Variants in EYS observed in about 807,000 individuals in gnomAD.
The protein encoded by EYS is protein eyes shut homolog.
In EYS, 250 loss-of-function variants were observed where a neutral mutation model predicts 282.1. That is an observed-to-expected ratio of 0.89 (90% CI 0.80 to 0.98). The LOEUF is 0.98. Ranked by LOEUF, EYS falls within the 50% of genes least tolerant of loss-of-function variation. EYS has a pLI of 0.00. For synonymous variants in EYS, 1,355 were observed against 1,282.9 expected, an observed-to-expected ratio of 1.06 and a Z score of -1.20; for missense variants, 4,016 against 3,709.0, an observed-to-expected ratio of 1.08 and a Z score of -2.15.
chr6:64,392,798 A>G (rs1302214001), intron 28 of EYS, among the ~76,000 whole-genome samples: 3 of 151,560 alleles, frequency 2.0e-5, no homozygotes, highest in East Asian at 1.9e-4. Context: ...TGAAGGAAAT[A>G]GAGACACAAA....
At chr6:65,153,387 G>A (rs1453851233) in intron 12 of EYS, among the ~76,000 whole-genome samples, 1 of 150,960 alleles carries the variant, frequency 6.6e-6, no homozygotes, top group Non-Finnish European at 1.5e-5. Flanking sequence ...GTGTGTGTGT[G>A]TGTGTGTGTG....
chr6:64,243,226 T>C (rs1766894694), intron 30 of EYS, among the ~76,000 whole-genome samples: 1 of 152,074 alleles, frequency 6.6e-6, no homozygotes, highest in South Asian at 2.1e-4. Context: ...TTACATTTCA[T>C]ACAAATACAT....
chr6:64,848,582 A>G (rs933333011), intron 19 of EYS, among the ~76,000 whole-genome samples: 13 of 152,090 alleles, frequency 8.5e-5, no homozygotes, highest in African/African-American at 3.1e-4. Flanking sequence ...ATTATGACAT[A>G]TAGTTTGTTT....
intron 22 of EYS, among the ~76,000 whole-genome samples, chr6:64,811,735 A>G (rs1764600840): frequency 6.6e-6 from 1 of 152,042 alleles, no homozygotes; most frequent in African/African-American, 2.4e-5. Flanking sequence ...CTGCCATCCT[A>G]TGGTGCAGCA....
In EYS at chr6:64,290,426, G is replaced by T. The variant is rs115667960; in HGVS notation, c.6191+16544C>A. ...AACCAGATCAGTAAGTGTGTTCAAGGCTAAACAGAAATATCCTGACACCTT... is the reference window on the plus strand; with the variant it reads ...AACCAGATCAGTAAGTGTGTTCAAGTCTAAACAGAAATATCCTGACACCTT... On this transcript the variant is annotated intron_variant, in intron 30 of 42. Transcript: ENST00000503581. Among the ~76,000 whole-genome samples the T allele has an allele frequency of 4.7e-3, 716 of 152,190 alleles. 5 individuals carry two copies. The highest frequency in any genetic ancestry group is 0.016 in the African/African-American group (664 of 41,532).
intron 29 of EYS, among the ~76,000 whole-genome samples, chr6:64,312,252 C>G (rs141687014): frequency 1.7e-4 from 26 of 152,214 alleles, no homozygotes; most frequent in African/African-American, 6.0e-4. Context: ...ACAGTGTAAA[C>G]AAAGCCACTG....
chr6:65,590,049 A>G (rs1424744711), intron 2 of EYS, among the ~76,000 whole-genome samples: 1 of 152,082 alleles, frequency 6.6e-6, no homozygotes, highest in Admixed American at 6.6e-5. Context: ...GAAAGAAAGG[A>G]TTACAGCACA....
At chr6:63,944,848 C>T (rs1765348430) in intron 35 of EYS, among the ~76,000 whole-genome samples, 1 of 152,064 alleles carries the variant, frequency 6.6e-6, no homozygotes, top group African/African-American at 2.4e-5. Flanking sequence ...GAAGGAGAAT[C>T]ACTTGAACCC....
chr6:64,704,335 C>A (rs137999943), intron 22 of EYS, among the ~76,000 whole-genome samples: 1 of 142,202 alleles, frequency 7.0e-6, no homozygotes, highest in African/African-American at 2.6e-5. Context: ...AATATATATA[C>A]ATATATAAAA....
intron 26 of EYS, among the ~76,000 whole-genome samples, chr6:64,510,630 G>T (rs1415833855): frequency 6.6e-6 from 1 of 152,122 alleles, no homozygotes; most frequent in African/African-American, 2.4e-5. Flanking sequence ...ATGAATTGCT[G>T]TAAATTGTTT....
At chr6:65,261,554 G>A (rs531939594) in intron 12 of EYS, among the ~76,000 whole-genome samples, 2 of 152,064 alleles carry the variant, frequency 1.3e-5, no homozygotes, top group South Asian at 4.1e-4. Flanking sequence ...CTCACACACT[G>A]ATTTATTTGG....
chr6:65,353,795 C>T (rs892365208), intron 8 of EYS, among the ~76,000 whole-genome samples, 178 bp from the exon 9 acceptor site: 1 of 152,002 alleles, frequency 6.6e-6, no homozygotes, highest in African/African-American at 2.4e-5. Context: ...TCTGTACTAT[C>T]TTTTGTCATA....
intron 22 of EYS, among the ~76,000 whole-genome samples, chr6:64,646,523 G>A (rs535438068): frequency 2.6e-5 from 4 of 152,152 alleles, no homozygotes; most frequent in South Asian, 2.1e-4. Context: ...TTCTTTATAG[G>A]CAGGGCGCGG....
chr6:64,898,351 C>T (rs1353096932), intron 18 of EYS, among the ~76,000 whole-genome samples: 2 of 152,010 alleles, frequency 1.3e-5, no homozygotes, highest in Non-Finnish European at 2.9e-5. Flanking sequence ...TCCAGCCAAA[C>T]TGAGATTCAC....
chr6:64,971,787 G>A (rs1309017613), intron 14 of EYS, among the ~76,000 whole-genome samples: 1 of 152,136 alleles, frequency 6.6e-6, no homozygotes, highest in Non-Finnish European at 1.5e-5. Flanking sequence ...GATTGTCAGT[G>A]CTGGAAGAGA....
intron 35 of EYS, among the ~76,000 whole-genome samples, chr6:63,933,458 C>A (rs1457688804): frequency 1.3e-5 from 2 of 152,150 alleles, no homozygotes; most frequent in African/African-American, 4.8e-5. Flanking sequence ...GTGCCCACCT[C>A]GGCCTCCCAC....
Position 65,490,709 on chromosome 6 carries a change from T to C in EYS, c.749-2A>G, listed in dbSNP as rs1766011028. ...CAATTATTTCTGAGCAATTCTTTCCTATAACAATGAAAAAAAGTTTTTTTT... is the reference window on the plus strand; with the variant it reads ...CAATTATTTCTGAGCAATTCTTTCCCATAACAATGAAAAAAAGTTTTTTTT... On this transcript the variant is annotated splice_acceptor_variant, in intron 4 of 42. Coordinates refer to ENST00000503581, the MANE Select transcript of EYS (RefSeq NM_001142800.2). LOFTEE classifies it high-confidence loss of function. 1.2e-6 allele frequency: 2 copies of C among 1,604,398 alleles called. No individual in the cohort carries two copies. The highest frequency in any genetic ancestry group is 1.3e-5 in the African/African-American group (1 of 74,828).
intron 35 of EYS, among the ~76,000 whole-genome samples, chr6:63,908,043 T>TATATATATATAC (rs1318760852): frequency 4.8e-5 from 2 of 41,532 alleles, no homozygotes; most frequent in African/African-American, 4.5e-4. Flanking sequence ...CGTTTGTGTG[T>TATATATATATAC]GTGTGTGTGT....
At chr6:65,520,937 A>G (rs1468488849) in intron 2 of EYS, among the ~76,000 whole-genome samples, 1 of 152,102 alleles carries the variant, frequency 6.6e-6, no homozygotes, top group Non-Finnish European at 1.5e-5. Flanking sequence ...AAGAGTAACA[A>G]ACATCTTCTC....
Sources: allele counts gnomAD v4.1 joint callset (sites outside exome capture counted in the v4.1 genomes callset), GRCh38; gene constraint gnomAD v4.1.1; transcripts MANE v1.5; gene names NCBI Gene and HGNC (gene_info 2026-07-23, HGNC 2026-07-21).